Variants in HS3ST4 observed in about 807,000 individuals in gnomAD.
HS3ST4 encodes heparan sulfate-glucosamine 3-sulfotransferase 4.
A neutral mutation model predicts 29.2 loss-of-function variants in HS3ST4; 17 were observed. That is an observed-to-expected ratio of 0.58 (90% CI 0.40 to 0.87). The LOEUF is 0.87. Ranked by LOEUF, HS3ST4 falls within the 40% of genes least tolerant of loss-of-function variation. HS3ST4 has a pLI of 0.00. For missense variants in HS3ST4, 627 were observed against 634.5 expected (o/e 0.99, Z 0.13); for synonymous variants, 314 against 285.7 (o/e 1.10, Z -1.00).
intron 1 of HS3ST4, among the ~76,000 whole-genome samples, chr16:26,033,060 A>G (rs904340266): frequency 6.6e-6 from 1 of 151,948 alleles, no homozygotes; most frequent in Admixed American, 6.6e-5. Context: ...TAAGACCTGA[A>G]CGACAGACTG....
intron 1 of HS3ST4, among the ~76,000 whole-genome samples, chr16:25,808,393 C>CT (rs1967009375): frequency 6.6e-6 from 1 of 152,066 alleles, no homozygotes; most frequent in African/African-American, 2.4e-5. Context: ...GGCTGTGTTT[C>CT]TTTTTTTGTG....
At chr16:25,797,907 TG>T (rs1966897464) in intron 1 of HS3ST4, among the ~76,000 whole-genome samples, 1 of 152,222 alleles carries the variant, frequency 6.6e-6, no homozygotes, top group Non-Finnish European at 1.5e-5. Flanking sequence ...GTGTGAAGGC[TG>T]GCTTCATTCT....
chr16:26,110,663 A>C (rs905519009), intron 1 of HS3ST4, among the ~76,000 whole-genome samples: 1 of 152,196 alleles, frequency 6.6e-6, no homozygotes, highest in African/African-American at 2.4e-5. Context: ...TTTCCTATGC[A>C]GTCAGTTCCC....
intron 1 of HS3ST4, among the ~76,000 whole-genome samples, chr16:25,893,859 A>G (rs1968034279): frequency 6.6e-6 from 1 of 152,218 alleles, no homozygotes; most frequent in African/African-American, 2.4e-5. Context: ...ATCCCCGTTT[A>G]GGATATCCAG....
chr16:25,705,580 G>A (rs1403395591), intron 1 of HS3ST4, among the ~76,000 whole-genome samples: 1 of 152,064 alleles, frequency 6.6e-6, no homozygotes, highest in African/African-American at 2.4e-5. Flanking sequence ...TAGGAAAATT[G>A]CTTGAACCCA....
chr16:26,137,586 T>G lies in HS3ST4; in HGVS notation c.*1338T>G, dbSNP rs1235661519. 6.6e-6 allele frequency: 1 copy of G among 152,158 alleles called. No individual in the cohort carries two copies. The highest frequency in any genetic ancestry group is 1.5e-5 in the Non-Finnish European group (1 of 68,034). 9.4% of individuals were successfully genotyped at this position (152,158 alleles called of 1,614,324 possible). On this transcript the variant is annotated 3_prime_UTR_variant, in exon 2 of 2. Coordinates refer to ENST00000331351, the MANE Select transcript of HS3ST4 (RefSeq NM_006040.3). The stretch of plus-strand genomic sequence containing the variant: ...GAATTGTTCTAGTAAAACTGGAAAT[T>G]TGTATGAGTGGGGGGAGTTAAATCT...
rs367681986 is a variant in HS3ST4 at position 25,928,280 on chromosome 16, G to A, written c.735-207332G>A. 6.9e-4 allele frequency among the ~76,000 whole-genome samples: 104 copies of A among 151,710 alleles called. No homozygotes were observed. In the East Asian group the frequency reaches 0.017, roughly 25 times the overall value. The stretch of plus-strand genomic sequence containing the variant: ...CTTGGGAGGCTGAGGTAGGAGGATC[G>A]CTTGAGCCCACAAGTTCAAGGCTAC... On this transcript the variant is annotated intron_variant, in intron 1 of 1. Transcript: ENST00000331351.
chr16:26,017,992 G>A (rs1013089027), intron 1 of HS3ST4, among the ~76,000 whole-genome samples: 2 of 152,206 alleles, frequency 1.3e-5, no homozygotes, highest in Admixed American at 6.5e-5. Context: ...CATTAGGAAG[G>A]ATTATAGGTG....
intron 1 of HS3ST4, among the ~76,000 whole-genome samples, chr16:25,742,686 G>T (rs1291535464): frequency 6.6e-6 from 1 of 152,174 alleles, no homozygotes; most frequent in East Asian, 1.9e-4. Flanking sequence ...GTAGCATTTG[G>T]CTATTTCCAT....
chr16:26,034,668 C>T (rs900755029), intron 1 of HS3ST4, among the ~76,000 whole-genome samples: 6 of 94,508 alleles, frequency 6.3e-5, no homozygotes, highest in African/African-American at 9.4e-5. Context: ...ATAGCAGGGG[C>T]GGGGGGGGGT....
At chr16:26,034,692 A>T (rs1969567380) in intron 1 of HS3ST4, among the ~76,000 whole-genome samples, 1 of 151,542 alleles carries the variant, frequency 6.6e-6, no homozygotes, top group Admixed American at 6.6e-5. Flanking sequence ...ACCAGCATGG[A>T]GTGAGGATTT....
At chr16:25,778,177 A>G (rs1326256557) in intron 1 of HS3ST4, among the ~76,000 whole-genome samples, 1 of 152,200 alleles carries the variant, frequency 6.6e-6, no homozygotes, top group African/African-American at 2.4e-5. Flanking sequence ...TGGATAATAA[A>G]AAGTACTTCC....
intron 1 of HS3ST4, among the ~76,000 whole-genome samples, chr16:25,896,439 C>T (rs952589941): frequency 5.9e-5 from 9 of 152,006 alleles, no homozygotes; most frequent in Non-Finnish European, 7.4e-5. Flanking sequence ...AAATCAAAAG[C>T]GCAATGAGAT....
At chr16:26,093,562 A>G (rs1273810183) in intron 1 of HS3ST4, among the ~76,000 whole-genome samples, 1 of 152,222 alleles carries the variant, frequency 6.6e-6, no homozygotes. Context: ...AAGGAATAGC[A>G]TCAACATCAA....
intron 1 of HS3ST4, among the ~76,000 whole-genome samples, chr16:26,006,181 C>T (rs886872835): frequency 5.9e-5 from 9 of 151,616 alleles, no homozygotes; most frequent in African/African-American, 2.2e-4. Flanking sequence ...CACCTGTAGT[C>T]CCAGCTACTT....
chr16:26,133,481 A>G (rs1899445994), intron 1 of HS3ST4, among the ~76,000 whole-genome samples: 1 of 152,206 alleles, frequency 6.6e-6, no homozygotes, highest in Non-Finnish European at 1.5e-5. Context: ...AGACACACAC[A>G]AAGGCATTCA....
At chr16:26,129,597 T>A (rs902761135) in intron 1 of HS3ST4, among the ~76,000 whole-genome samples, 1 of 152,212 alleles carries the variant, frequency 6.6e-6, no homozygotes, top group African/African-American at 2.4e-5. Flanking sequence ...CATTTCATCC[T>A]CTCAAACTCC....
chr16:26,069,713 C>A (rs1230782607), intron 1 of HS3ST4, among the ~76,000 whole-genome samples: 3 of 112,928 alleles, frequency 2.7e-5, no homozygotes, highest in Non-Finnish European at 3.5e-5. Flanking sequence ...CCCCTCCCCC[C>A]ACCCCACAAC....
intron 1 of HS3ST4, among the ~76,000 whole-genome samples, chr16:25,743,978 AT>A (rs1220278452): frequency 5.9e-5 from 9 of 151,998 alleles, no homozygotes; most frequent in Non-Finnish European, 1.2e-4. Flanking sequence ...AATAGCCTAG[AT>A]TTTTCAGTTG....
Sources: allele counts gnomAD v4.1 joint callset (sites outside exome capture counted in the v4.1 genomes callset), GRCh38; gene constraint gnomAD v4.1.1; transcripts MANE v1.5; gene names NCBI Gene and HGNC (gene_info 2026-07-23, HGNC 2026-07-21).